Variants in SEC31A observed in about 807,000 individuals in gnomAD.
SEC31A encodes the protein SEC31 homolog A, COPII component.
Under a neutral mutation model 151.0 loss-of-function variants are expected in SEC31A, and 70 were observed. That is an observed-to-expected ratio of 0.46 (90% CI 0.38 to 0.57). The LOEUF is 0.57. SEC31A is among the 20% of genes least tolerant of loss of function. The pLI is 0.00. For missense variants in SEC31A, 1,330 were observed against 1,471.2 expected (o/e 0.90, Z 1.57); for synonymous variants, 475 against 505.9 (o/e 0.94, Z 0.82).
rs192836511 is a variant in SEC31A at position 82,871,509 on chromosome 4, C to T, written c.782+435G>A. On this transcript the variant is annotated intron_variant, in intron 7 of 26. Transcript: ENST00000395310. ...CATAAACATTAAGTTCCTACGGTGG[C>T]CCATGCCTGTATTCCCAGCACTTTG... The T allele has an allele frequency of 1.2e-3, 1,200 of 988,486 alleles. 17 individuals carry two copies. The East Asian group carries it at 0.029, about 24-fold the overall frequency. 61.2% of individuals were successfully genotyped at this position (988,486 alleles called of 1,614,324 possible). A position where few individuals can be genotyped will look rare whatever the true frequency, so the allele number is the denominator to read the frequency against.
chr4:82,820,984 A>T, intron 26 of SEC31A, 53 bp downstream of exon 26: 2 of 1,472,116 alleles, frequency 1.4e-6, no homozygotes, highest in South Asian at 2.3e-5. Flanking sequence ...CAACTGTTTT[A>T]CTAGCAACTA....
At position 82,881,600 on chromosome 4, in the gene SEC31A, T is replaced by C. The variant is rs545742106; in HGVS notation, c.79+258A>G. Among the ~76,000 whole-genome samples the C allele has an allele frequency of 3.3e-5, 5 of 152,352 alleles. No individual in the cohort carries two copies. In the East Asian group the frequency reaches 9.6e-4, roughly 29 times the overall value. On this transcript the variant is annotated intron_variant, in intron 2 of 26. Coordinates refer to ENST00000395310, the MANE Select transcript of SEC31A (RefSeq NM_001077207.4). ...ACTGATATTAACTGTTTTTTTTACATGCCATCTATTGTGCTTAATACTGGA... is the reference window on the plus strand; with the variant it reads ...ACTGATATTAACTGTTTTTTTTACACGCCATCTATTGTGCTTAATACTGGA...
intron 26 of SEC31A, among the ~76,000 whole-genome samples, chr4:82,820,708 C>G (rs189704945): frequency 5.7e-4 from 87 of 152,244 alleles, no homozygotes; most frequent in Non-Finnish European, 1.0e-3. Flanking sequence ...TATCTGCATA[C>G]TCTTTGATTT....
chr4:82,865,771 G>T (rs1186393279), intron 10 of SEC31A, among the ~76,000 whole-genome samples: 1 of 151,950 alleles, frequency 6.6e-6, no homozygotes, highest in East Asian at 1.9e-4. Flanking sequence ...GGTTACCAGG[G>T]ATTCAAGGGA....
chr4:82,841,792 T>C (rs905738706), intron 22 of SEC31A, among the ~76,000 whole-genome samples: 1 of 151,224 alleles, frequency 6.6e-6, no homozygotes, highest in Non-Finnish European at 1.5e-5. Flanking sequence ...GCCAACATGA[T>C]GAAACTCTAT....
At chr4:82,860,897 A>G (rs1350892861) in intron 14 of SEC31A, among the ~76,000 whole-genome samples, 1 of 152,130 alleles carries the variant, frequency 6.6e-6, no homozygotes, top group Non-Finnish European at 1.5e-5. Context: ...GACTAAATTT[A>G]CTTATTTTTA....
intron 16 of SEC31A, among the ~76,000 whole-genome samples, chr4:82,856,393 C>T (rs1318518148): frequency 6.6e-6 from 1 of 151,722 alleles, no homozygotes; most frequent in East Asian, 2.0e-4. Flanking sequence ...TCGTGACCCC[C>T]CCACCTCTGC....
In SEC31A at chr4:82,866,845, G is replaced by A. The variant is rs1430899319; in HGVS notation, c.1160C>T (p.Pro387Leu). 1 of 1,609,728 alleles carries A rather than the reference G, an allele frequency of 6.2e-7. No homozygotes were observed. Among genetic ancestry groups the A allele is most frequent in the East Asian group, 2.2e-5 (1 of 44,838 alleles). The change falls in exon 10 of 27, where the codon CCC (proline) becomes CTC (leucine). Residue 387 changes from proline (P) to leucine (L), a missense_variant. By Grantham distance (98) the Pro-to-Leu change is moderately conservative. Coordinates refer to ENST00000395310, the MANE Select transcript of SEC31A (RefSeq NM_001077207.4). ...ACCAACAGGCCTTCGAATCCACTTG[G>A]GCGGCTTCTTCAGAGGCAGCACTAT... ...HSIVLPLKKPPKWIRRPVGAS... is the reference protein window; with the variant it reads ...HSIVLPLKKPLKWIRRPVGAS...
At position 82,851,578 on chromosome 4, in the gene SEC31A, C is replaced by T. The variant is rs768083972; in HGVS notation, c.2181G>A (p.Leu727=). The change falls in exon 19 of 27, where the codon CTG becomes CTA. Residue 727 remains leucine (L), a synonymous_variant. Coordinates refer to ENST00000395310, the MANE Select transcript of SEC31A (RefSeq NM_001077207.4). Reference sequence around the variant, plus strand: ...CTTGAGTGAGTTGCACAGCTTTTCGCAGGATGACAACTTTCTCAATCAGAT... The same window carrying T: ...CTTGAGTGAGTTGCACAGCTTTTCGTAGGATGACAACTTTCTCAATCAGAT... ...LQDLIEKVVI[L]RKAVQLTQAM... 34 of 1,610,088 alleles carry T rather than the reference C, an allele frequency of 2.1e-5. No individual in the cohort carries two copies. The East Asian group carries it at 7.4e-4, about 35-fold the overall frequency.
intron 2 of SEC31A, chr4:82,899,912 A>C (rs1720239708): frequency 6.6e-6 from 1 of 152,468 alleles, no homozygotes; most frequent in Non-Finnish European, 1.5e-5. Context: ...TTCCTTCTCT[A>C]AGCAAATTGA....
Position 82,876,293 on chromosome 4 carries a change from A to G in SEC31A, c.403-471T>C, listed in dbSNP as rs1429690540. Among the ~76,000 whole-genome samples, 4 of 152,000 alleles carry G rather than the reference A, an allele frequency of 2.6e-5. No homozygotes were observed. In the East Asian group the frequency reaches 7.7e-4, roughly 29 times the overall value. ...TCCCGGCTAATTCTGTATTTTTAGT[A>G]GAGACGGGGTTTCTCCATGTTGGTC... is the stretch of plus-strand genomic sequence containing the variant. On this transcript the variant is annotated intron_variant, in intron 4 of 26. Coordinates refer to ENST00000395310, the MANE Select transcript of SEC31A (RefSeq NM_001077207.4).
chr4:82,843,359 A>C (rs989686621), intron 21 of SEC31A, among the ~76,000 whole-genome samples: 3 of 152,044 alleles, frequency 2.0e-5, no homozygotes, highest in African/African-American at 7.3e-5. Context: ...GCTGGGGTCA[A>C]ACTCTTCACC....
intron 22 of SEC31A, among the ~76,000 whole-genome samples, chr4:82,832,996 GCGA>G (rs1726320682): frequency 1.3e-5 from 2 of 152,300 alleles, no homozygotes; most frequent in African/African-American, 4.8e-5. Context: ...AGACAGTGTG[GCGA>G]TTCCTCAAGG....
chr4:82,829,286 T>C (rs543848323), intron 22 of SEC31A: 22 of 432,678 alleles, frequency 5.1e-5, no homozygotes, highest in African/African-American at 4.3e-4. Flanking sequence ...TGACACTGTT[T>C]CCATTTAAAG....
At chr4:82,891,270 A>C (rs554821785), upstream of SEC31A, 12 of 1,219,300 alleles carry the variant, frequency 9.8e-6, no homozygotes, top group African/African-American at 1.5e-4. Flanking sequence ...TTCCCCGCCC[A>C]CCCGACGCAC....
intron 24 of SEC31A, among the ~76,000 whole-genome samples, chr4:82,826,140 G>C (rs2148977919): frequency 6.6e-6 from 1 of 152,268 alleles, no homozygotes; most frequent in Non-Finnish European, 1.5e-5. Context: ...TTCAGGTCTA[G>C]GTGAGTACAG....
chr4:82,857,611 C>G (rs912014837), intron 15 of SEC31A, 78 bp downstream of exon 15: 2 of 946,756 alleles, frequency 2.1e-6, no homozygotes, highest in Non-Finnish European at 3.4e-6. Flanking sequence ...TGACTTGAAG[C>G]ATTTTAACTT....
intron 6 of SEC31A, among the ~76,000 whole-genome samples, chr4:82,873,505 T>TA (rs1180808552): frequency 2.6e-5 from 4 of 152,204 alleles, no homozygotes; most frequent in African/African-American, 7.2e-5. Context: ...TTAACATTAT[T>TA]AGGAACTATC....
chr4:82,885,886 T>C (rs1578400590), intron 1 of SEC31A, among the ~76,000 whole-genome samples: 1 of 152,234 alleles, frequency 6.6e-6, no homozygotes, highest in Non-Finnish European at 1.5e-5. Flanking sequence ...CTTACTCAGC[T>C]CCAGAGTTTA....
Sources: gnomAD v4.1 joint callset for allele counts (sites outside exome capture counted in the v4.1 genomes callset) on GRCh38, gnomAD v4.1.1 for gene constraint, MANE v1.5 for transcripts, NCBI Gene and HGNC (gene_info 2026-07-23, HGNC 2026-07-21) for gene names.